RBFOX2: variants seen among roughly 807,000 people sequenced by gnomAD.
RBFOX2 encodes the protein RNA binding protein fox-1 homolog 2.
RBFOX2 carries 10 observed loss-of-function variants against 49.1 expected under a neutral mutation model. That is an observed-to-expected ratio of 0.20 (90% confidence interval 0.13 to 0.35). The LOEUF (loss-of-function observed/expected upper bound fraction) is 0.35, where lower values mean the gene tolerates loss of function less well. Among genes scored for constraint, RBFOX2 ranks in the 10% least tolerant of loss-of-function variants. The probability of loss-of-function intolerance (pLI) is 1.00; values close to 1 mark genes in which losing one functional copy is unlikely to be tolerated. For missense variants in RBFOX2, 323 were observed against 486.9 expected (o/e 0.66, Z 3.17); for synonymous variants, 183 against 187.4 (o/e 0.98, Z 0.19).
chr22:35,882,368 T>C (rs142024639), intron 1 of RBFOX2, among the ~76,000 whole-genome samples: 27 of 152,298 alleles, frequency 1.8e-4, no homozygotes, highest in African/African-American at 6.5e-4. Flanking sequence ...TAGAGCCCTT[T>C]CAGTGGTGTG....
chr22:35,807,613 T>C (rs1043765908), intron 2 of RBFOX2, among the ~76,000 whole-genome samples: 7 of 151,884 alleles, frequency 4.6e-5, no homozygotes, highest in African/African-American at 1.7e-4. Flanking sequence ...ACTTTCTGTG[T>C]TTACAGTTTT....
chr22:35,858,832 A>C (rs923459378), intron 1 of RBFOX2, among the ~76,000 whole-genome samples: 1 of 151,554 alleles, frequency 6.6e-6, no homozygotes, highest in African/African-American at 2.4e-5. Flanking sequence ...GTCTCAAAAA[A>C]AAAAAAAAAA....
At chr22:35,799,782 T>G (rs912406378) in intron 2 of RBFOX2, among the ~76,000 whole-genome samples, 3 of 151,838 alleles carry the variant, frequency 2.0e-5, no homozygotes, top group African/African-American at 7.3e-5. Context: ...AGACCCTGTC[T>G]CTACAAATAA....
chr22:35,806,043 T>A (rs1315058135), intron 2 of RBFOX2, among the ~76,000 whole-genome samples: 1 of 152,192 alleles, frequency 6.6e-6, no homozygotes, highest in Non-Finnish European at 1.5e-5. Context: ...TTACTTTTTG[T>A]GATGCTATAA....
At chr22:35,834,775 G>A (rs529646593) in intron 1 of RBFOX2, among the ~76,000 whole-genome samples, 3 of 152,250 alleles carry the variant, frequency 2.0e-5, no homozygotes, top group African/African-American at 7.2e-5. Flanking sequence ...AAGGATGGCA[G>A]GAGATGAGAC....
intron 1 of RBFOX2, among the ~76,000 whole-genome samples, chr22:35,856,893 G>A (rs1015294180): frequency 2.6e-5 from 4 of 152,022 alleles, no homozygotes; most frequent in Non-Finnish European, 4.4e-5. Context: ...TTAGCCAGGC[G>A]TGGCCACGTG....
chr22:35,821,882 T>G, intron 1 of RBFOX2: 1 of 518,894 alleles, frequency 1.9e-6, no homozygotes, highest in South Asian at 1.4e-5. Flanking sequence ...TATGGCAAAC[T>G]TTGACCAAAA....
intron 1 of RBFOX2, among the ~76,000 whole-genome samples, chr22:35,884,402 T>C (rs2046315857): frequency 6.6e-6 from 1 of 152,190 alleles, no homozygotes; most frequent in Admixed American, 6.5e-5. Context: ...GTAAGCTAAG[T>C]GCTTCTGGTT....
chr22:35,848,572 G>A (rs1388342253), intron 1 of RBFOX2, among the ~76,000 whole-genome samples: 1 of 152,092 alleles, frequency 6.6e-6, no homozygotes. Flanking sequence ...TGGGCCTTTA[G>A]GCCCAAAATA....
upstream of RBFOX2, chr22:35,939,035 T>A: frequency 1.2e-6 from 1 of 802,302 alleles, no homozygotes; most frequent in East Asian, 2.5e-5. Context: ...CCACCCTACC[T>A]AAGTGTATAT....
At chr22:35,754,380 T>A (rs574435701) in intron 9 of RBFOX2, among the ~76,000 whole-genome samples, 2 of 152,292 alleles carry the variant, frequency 1.3e-5, no homozygotes, top group Admixed American at 1.3e-4. Flanking sequence ...CCTGAGCCAC[T>A]GTGCCCGGCC....
At chr22:35,965,627 A>G (rs760073314), upstream of RBFOX2, among the ~76,000 whole-genome samples, 2 of 152,238 alleles carry the variant, frequency 1.3e-5, no homozygotes, top group African/African-American at 2.4e-5. Flanking sequence ...AAAGTGGTCA[A>G]TGAAGCTTAT....
chr22:35,775,412 G>C (rs537029718), intron 4 of RBFOX2, among the ~76,000 whole-genome samples: 54 of 152,264 alleles, frequency 3.5e-4, no homozygotes, highest in African/African-American at 1.2e-3. Flanking sequence ...GCAGCCCAAA[G>C]AAAAATGGGG....
chr22:35,872,807 T>C (rs964488582), intron 1 of RBFOX2, among the ~76,000 whole-genome samples: 7 of 152,140 alleles, frequency 4.6e-5, no homozygotes, highest in Non-Finnish European at 8.8e-5. Flanking sequence ...CGGGTTTTTA[T>C]AGGCCCAGGA....
chr22:35,993,519 A>G (rs1209493219), intron 1 of RBFOX2: 1 of 152,256 alleles, frequency 6.6e-6, no homozygotes, highest in East Asian at 1.9e-4. Flanking sequence ...AAGCCTTCAG[A>G]TAAATGCAGC....
At chr22:35,890,449 T>C (rs2047106509) in intron 1 of RBFOX2, among the ~76,000 whole-genome samples, 2 of 152,154 alleles carry the variant, frequency 1.3e-5, no homozygotes, top group Non-Finnish European at 2.9e-5. Flanking sequence ...TTATATACTA[T>C]AATAAAAGTT....
At chr22:35,836,851 A>G (rs1330526968) in intron 1 of RBFOX2, among the ~76,000 whole-genome samples, 1 of 152,146 alleles carries the variant, frequency 6.6e-6, no homozygotes, top group Non-Finnish European at 1.5e-5. Context: ...GTCATTTGCA[A>G]TTTTGTTTTT....
chr22:36,015,309 A>G (rs925659631), intron 1 of RBFOX2, among the ~76,000 whole-genome samples: 2 of 152,252 alleles, frequency 1.3e-5, no homozygotes, highest in African/African-American at 4.8e-5. Context: ...TGCTTAAGCA[A>G]TAGCTGAATA....
intron 1 of RBFOX2, among the ~76,000 whole-genome samples, chr22:35,811,959 G>GGA (rs1220995727): frequency 5.6e-5 from 8 of 141,734 alleles, no homozygotes; most frequent in African/African-American, 2.1e-4. Context: ...GTCTCTTAAG[G>GGA]GAAAAAAAAA....
Sources: allele counts gnomAD v4.1 joint callset (sites outside exome capture counted in the v4.1 genomes callset), GRCh38; gene constraint gnomAD v4.1.1; transcripts MANE v1.5; gene names NCBI Gene and HGNC (gene_info 2026-07-23, HGNC 2026-07-21).